Variants in GTPBP1 observed in about 807,000 individuals in gnomAD.
The protein encoded by GTPBP1 is GTP-binding protein 1.
Under a neutral mutation model 62.0 loss-of-function variants are expected in GTPBP1, and 23 were observed. The observed-to-expected ratio is 0.37, with a 90% CI of 0.27 to 0.53. The LOEUF is 0.53. GTPBP1 is among the 20% of genes least tolerant of loss of function. The pLI, the probability that GTPBP1 is intolerant of heterozygous loss-of-function variation, is 0.89. For synonymous variants in GTPBP1, 344 were observed against 364.4 expected, an observed-to-expected ratio of 0.94 and a Z score of 0.64; for missense variants, 640 against 917.3, an observed-to-expected ratio of 0.70 and a Z score of 3.90.
At chr22:38,735,515 G>A, downstream of GTPBP1, 1 of 279,078 alleles carries the variant, frequency 3.6e-6, no homozygotes, top group South Asian at 3.1e-5. Flanking sequence ...GGAACAGGGA[G>A]CAGGGTGGGC....
rs768478971 is a variant in GTPBP1 at position 38,728,139 on chromosome 22, A to G, written c.1694A>G (p.Lys565Arg). ...QRLVFREGRT[K>R]AVGTITKLLQ... ...CTGGTGTTCCGGGAAGGCCGCACCA[A>G]GGCTGTCGGCACCATCACCAAGGTA... The change falls in exon 10 of 12, where the codon AAG becomes AGG. Residue 565 changes from lysine (K) to arginine (R), a missense_variant. Lys to Arg is a conservative substitution (Grantham distance 26). Coordinates refer to ENST00000216044, the MANE Select transcript of GTPBP1 (RefSeq NM_004286.5). The G allele has an allele frequency of 6.2e-7, 1 of 1,613,640 alleles. No homozygotes were observed. The highest frequency in any genetic ancestry group is 1.7e-5 in the Admixed American group (1 of 60,026).
intron 2 of GTPBP1, among the ~76,000 whole-genome samples, chr22:38,711,427 T>C (rs571129634): frequency 1.3e-5 from 2 of 152,276 alleles, no homozygotes; most frequent in Non-Finnish European, 2.9e-5. Flanking sequence ...CATGGTGTAG[T>C]AGTGAAGATT....
chr22:38,723,068 G>C (rs1401187628), intron 5 of GTPBP1: 1 of 776,324 alleles, frequency 1.3e-6, no homozygotes, highest in Non-Finnish European at 2.3e-6. Context: ...ATTATTTCTT[G>C]GTGTATTTAT....
At chr22:38,728,740 G>C (rs895993379) in intron 10 of GTPBP1, 1 of 155,814 alleles carries the variant, frequency 6.4e-6, no homozygotes, top group Non-Finnish European at 1.4e-5. Flanking sequence ...CCCATCCATG[G>C]TCACCCTGGG....
intron 2 of GTPBP1, 123 bp downstream of exon 2, chr22:38,709,079 T>C: frequency 5.0e-6 from 3 of 598,254 alleles, no homozygotes; most frequent in Non-Finnish European, 9.3e-6. Context: ...GGTCAGGAGT[T>C]CGAGACCAGC....
At chr22:38,740,889 C>G (rs1287016373), downstream of GTPBP1, 3 of 1,154,392 alleles carry the variant, frequency 2.6e-6, no homozygotes, top group African/African-American at 4.6e-5. This position sits in a 1 kb window ranked among gnomAD's most constrained non-coding sequence, Gnocchi z 4.8. Context: ...CTCCCCCTAC[C>G]ATCTGCTTGG....
chr22:38,721,600 A>G (rs1377423335), intron 4 of GTPBP1, 142 bp from the exon 5 acceptor site: 2 of 618,382 alleles, frequency 3.2e-6, no homozygotes, highest in East Asian at 2.7e-5. Flanking sequence ...TCCGATTTTG[A>G]CGCCCCACAT....
rs371246518 is a variant in GTPBP1 at position 38,722,987 on chromosome 22, C to T, written c.958+1122C>T. ...TTAGTGCAAGACCAGAACCTTCTAA[C>T]AGCACACCGTAGTCTCAGGAAGTTT... On this transcript the variant is annotated intron_variant, in intron 5 of 11. Transcript: ENST00000216044. 1.7e-4 allele frequency: 145 copies of T among 842,238 alleles called. 1 individual carries two copies. In the East Asian group the frequency reaches 2.1e-3, roughly 12 times the overall value. The allele number at this position is 842,238 out of a possible 1,614,324, so 52.2% of individuals were successfully genotyped here. A position where few individuals can be genotyped will look rare whatever the true frequency, so the allele number is the denominator to read the frequency against.
chr22:38,717,098 G>A (rs2092675177), intron 4 of GTPBP1, 98 bp downstream of exon 4: 1 of 752,418 alleles, frequency 1.3e-6, no homozygotes, highest in East Asian at 2.5e-5. Context: ...AGGCCTGTTG[G>A]TTTGGGGCTT....
At chr22:38,739,544 T>A, downstream of GTPBP1, 1 of 1,354,344 alleles carries the variant, frequency 7.4e-7, no homozygotes, top group Non-Finnish European at 1.0e-6. This position sits in a 1 kb window ranked among gnomAD's most constrained non-coding sequence, Gnocchi z 6.7. Flanking sequence ...ACTGTGCTGG[T>A]GCCCAGGCAG....
At chr22:38,739,221 G>T, downstream of GTPBP1, 3 of 1,158,218 alleles carry the variant, frequency 2.6e-6, no homozygotes, top group Non-Finnish European at 2.6e-6. The surrounding 1 kb of genome is among the most constrained non-coding windows in gnomAD (Gnocchi z 6.7). Context: ...GTACTAGGTT[G>T]GGTGATTTCT....
chr22:38,722,920 A>G (rs1394894837), intron 5 of GTPBP1: 2 of 1,080,004 alleles, frequency 1.9e-6, no homozygotes, highest in Non-Finnish European at 2.9e-6. Context: ...TTGACGCTCA[A>G]GTGCTTGATG....
chr22:38,708,172 C>G (rs1055835046), intron 1 of GTPBP1, among the ~76,000 whole-genome samples: 4 of 152,184 alleles, frequency 2.6e-5, no homozygotes, highest in Non-Finnish European at 4.4e-5. Flanking sequence ...AATTCTTTGT[C>G]CAAGGTCACA....
chr22:38,739,421 C>A (rs2092835347), downstream of GTPBP1: 1 of 1,612,908 alleles, frequency 6.2e-7, no homozygotes, highest in East Asian at 2.2e-5. This position sits in a 1 kb window ranked among gnomAD's most constrained non-coding sequence, Gnocchi z 6.7. Flanking sequence ...CGATGTGGTG[C>A]ACCTGCTGCA....
downstream of GTPBP1, chr22:38,734,348 G>A (rs532882198): frequency 2.0e-5 from 9 of 451,626 alleles, no homozygotes; most frequent in East Asian, 7.5e-5. Context: ...GGCAAATAGC[G>A]AATTCCCATG....
chr22:38,725,877 G>T lies in GTPBP1; in HGVS notation c.1074-129G>T, dbSNP rs1244505302. The T allele has an allele frequency of 1.1e-5, 9 of 829,576 alleles. No homozygotes were observed. The East Asian group carries it at 2.2e-4, about 20-fold the overall frequency. The allele number at this position is 829,576 out of a possible 1,614,324, so 51.4% of individuals were successfully genotyped here. A position where few individuals can be genotyped will look rare whatever the true frequency, so the allele number is the denominator to read the frequency against. ...GTCAAGCCCTTGGAGGCAGGTGAGG[G>T]AGAGGTGGAGTCATGAATAGTGGCA... On this transcript the variant is annotated intron_variant, in intron 6 of 11. Coordinates refer to ENST00000216044, the MANE Select transcript of GTPBP1 (RefSeq NM_004286.5).
chr22:38,706,371 A>C, intron 1 of GTPBP1: 1 of 340,916 alleles, frequency 2.9e-6, no homozygotes, highest in Non-Finnish European at 5.3e-6. Context: ...CGCGTCGCCA[A>C]CCCAGCCTCC....
intron 4 of GTPBP1, among the ~76,000 whole-genome samples, chr22:38,718,559 C>T (rs929542271): frequency 3.3e-5 from 5 of 152,042 alleles, no homozygotes; most frequent in East Asian, 1.9e-4. Flanking sequence ...GAAAGGTGGC[C>T]GAAGGGCACA....
At chr22:38,721,904 G>A (rs1179674028) in intron 5 of GTPBP1, 39 bp downstream of exon 5, 17 of 1,521,720 alleles carry the variant, frequency 1.1e-5, no homozygotes, top group East Asian at 2.3e-5. Context: ...CCCTCTGATT[G>A]GGGCTGTCAC....
Sources: allele counts gnomAD v4.1 joint callset (sites outside exome capture counted in the v4.1 genomes callset), GRCh38; gene constraint gnomAD v4.1.1; non-coding constraint Gnocchi (gnomAD v3.1); transcripts MANE v1.5; gene names NCBI Gene and HGNC (gene_info 2026-07-23, HGNC 2026-07-21).